The following SPOCK3 variants were observed in gnomAD, a reference collection of about 807,000 sequenced individuals.
The protein encoded by SPOCK3 is testican-3.
Under a neutral mutation model 56.6 loss-of-function variants are expected in SPOCK3, and 30 were observed. That is an observed-to-expected ratio of 0.53 (90% CI 0.40 to 0.72). The LOEUF (loss-of-function observed/expected upper bound fraction) is 0.72. Ranked by LOEUF, SPOCK3 falls within the 30% of genes least tolerant of loss-of-function variation. The probability of loss-of-function intolerance (pLI) is 0.00; values close to 1 mark genes in which losing one functional copy is unlikely to be tolerated. For missense variants in SPOCK3, 527 were observed against 530.0 expected (o/e 0.99, Z 0.06); for synonymous variants, 196 against 183.3 (o/e 1.07, Z -0.56).
In SPOCK3 at chr4:166,751,240, A is replaced by G. The variant is rs141379275; in HGVS notation, c.931+3268T>C. ...AATAGGAAAATCATATCTTTTAAAA[A>G]GAATGAATTAATCCCCCATGCACTA... On this transcript the variant is annotated intron_variant, in intron 8 of 10. Coordinates refer to ENST00000357545, the MANE Select transcript of SPOCK3 (RefSeq NM_001040159.2). Among the ~76,000 whole-genome samples the G allele has an allele frequency of 3.3e-3, 497 of 152,340 alleles. 3 individuals carry two copies. Among genetic ancestry groups the G allele is most frequent in the African/African-American group, 0.011 (456 of 41,588 alleles).
intron 2 of SPOCK3, among the ~76,000 whole-genome samples, chr4:167,176,994 A>G (rs1193390782): frequency 6.6e-6 from 1 of 152,164 alleles, no homozygotes; most frequent in Non-Finnish European, 1.5e-5. Context: ...GATGACAGAC[A>G]GGGCTATTTT....
At chr4:166,929,158 C>T (rs1409078227) in intron 4 of SPOCK3, among the ~76,000 whole-genome samples, 1 of 120,370 alleles carries the variant, frequency 8.3e-6, no homozygotes, top group Non-Finnish European at 1.7e-5. Flanking sequence ...TACTGTGAAC[C>T]AAAACAGCTC....
chr4:166,845,099 T>C (rs1579401092), intron 6 of SPOCK3, among the ~76,000 whole-genome samples: 1 of 152,266 alleles, frequency 6.6e-6, no homozygotes, highest in East Asian at 1.9e-4. Flanking sequence ...TGTTAAACAA[T>C]ATAAAATTTT....
chr4:166,814,199 T>C (rs1485759278), intron 6 of SPOCK3, among the ~76,000 whole-genome samples: 1 of 152,092 alleles, frequency 6.6e-6, no homozygotes, highest in Non-Finnish European at 1.5e-5. Context: ...CAGTGAGAAA[T>C]CGTTAGGCAT....
chr4:167,110,061 A>T (rs1580326844), intron 2 of SPOCK3, among the ~76,000 whole-genome samples: 3 of 152,146 alleles, frequency 2.0e-5, no homozygotes, highest in Admixed American at 2.0e-4. Flanking sequence ...TAATTCTTTA[A>T]GCCACATCTA....
chr4:166,933,937 A>G lies in SPOCK3; in HGVS notation c.351-21194T>C, dbSNP rs1314386005. Among the ~76,000 whole-genome samples, 7 of 152,260 alleles carry G rather than the reference A, an allele frequency of 4.6e-5. No individual in the cohort carries two copies. The East Asian group carries it at 1.2e-3, about 25-fold the overall frequency. On this transcript the variant is annotated intron_variant, in intron 4 of 10. Coordinates refer to ENST00000357545, the MANE Select transcript of SPOCK3 (RefSeq NM_001040159.2). The stretch of plus-strand genomic sequence containing the variant: ...GAGTGAATAAATATGCTGATGTTCC[A>G]TGTTGCCTTCTGTTTCACAGGTAAT...
chr4:166,949,471 T>A (rs1742232645), intron 4 of SPOCK3, among the ~76,000 whole-genome samples: 2 of 152,170 alleles, frequency 1.3e-5, no homozygotes, highest in Admixed American at 1.3e-4. Flanking sequence ...CTTTGTGGTT[T>A]TATCTACTTT....
At chr4:167,046,450 C>CTTTTTTTTTTTTTTTTTTTTTTTTT (rs67108499) in intron 3 of SPOCK3, among the ~76,000 whole-genome samples, 1 of 53,702 alleles carries the variant, frequency 1.9e-5, no homozygotes, top group Non-Finnish European at 3.3e-5. Context: ...TTCTGATATT[C>CTTTTTTTTTTTTTTTTTTTTTTTTT]TTTTTTTTTT....
intron 2 of SPOCK3, among the ~76,000 whole-genome samples, chr4:167,071,345 C>T (rs1756656752): frequency 6.6e-6 from 1 of 152,034 alleles, no homozygotes; most frequent in Non-Finnish European, 1.5e-5. Context: ...CACCCATCAA[C>T]TCGTCGTCTA....
At chr4:167,178,640 A>C (rs527559281) in intron 2 of SPOCK3, among the ~76,000 whole-genome samples, 5 of 152,256 alleles carry the variant, frequency 3.3e-5, no homozygotes, top group African/African-American at 1.2e-4. Flanking sequence ...TTAGAGACTC[A>C]TGATGTGAGA....
At chr4:166,954,132 G>A (rs11727903) in intron 4 of SPOCK3, among the ~76,000 whole-genome samples, 87,542 of 151,808 alleles carry the variant, frequency 0.58, 27,063 homozygotes, top group East Asian at 0.85. Context: ...TTTTAAATCA[G>A]GTTGTTTTCT....
At chr4:167,174,252 T>A (rs9991817) in intron 2 of SPOCK3, among the ~76,000 whole-genome samples, 1 of 151,858 alleles carries the variant, frequency 6.6e-6, no homozygotes, top group African/African-American at 2.4e-5. Context: ...CAAATAGCAA[T>A]TTTATTAAAA....
intron 2 of SPOCK3, among the ~76,000 whole-genome samples, chr4:167,088,605 C>T (rs915580873): frequency 6.6e-6 from 1 of 151,634 alleles, no homozygotes; most frequent in African/African-American, 2.4e-5. Flanking sequence ...GCTAAGACTA[C>T]AGGTGTGTGC....
intron 2 of SPOCK3, among the ~76,000 whole-genome samples, chr4:167,190,763 T>G (rs1269997156): frequency 6.9e-6 from 1 of 145,964 alleles, no homozygotes; most frequent in African/African-American, 2.6e-5. Flanking sequence ...TTTTACGTCT[T>G]TAATCCATTT....
chr4:167,200,445 G>C (rs925483169), intron 2 of SPOCK3, among the ~76,000 whole-genome samples: 2 of 151,870 alleles, frequency 1.3e-5, no homozygotes, highest in African/African-American at 4.8e-5. Flanking sequence ...ACGGCAAGGA[G>C]TACTATACTG....
chr4:166,744,039 T>G (rs1735234444), intron 8 of SPOCK3, among the ~76,000 whole-genome samples: 1 of 152,176 alleles, frequency 6.6e-6, no homozygotes, highest in Non-Finnish European at 1.5e-5. Context: ...AGGGCATAGC[T>G]GAACAAAAGG....
chr4:166,904,784 C>T (rs1179120858), intron 5 of SPOCK3, among the ~76,000 whole-genome samples: 4 of 151,914 alleles, frequency 2.6e-5, no homozygotes, highest in Admixed American at 6.6e-5. Flanking sequence ...TTTTCTATAA[C>T]CTTTTTGAAG....
intron 2 of SPOCK3, among the ~76,000 whole-genome samples, chr4:167,086,635 CTT>C (rs1045735545): frequency 2.6e-4 from 39 of 152,180 alleles, no homozygotes; most frequent in African/African-American, 8.2e-4. Flanking sequence ...ACAATCAACA[CTT>C]TTATTCTTCC....
intron 2 of SPOCK3, among the ~76,000 whole-genome samples, chr4:167,154,383 A>G (rs1764649603): frequency 6.6e-6 from 1 of 152,132 alleles, no homozygotes; most frequent in Non-Finnish European, 1.5e-5. Context: ...CAGAGGCCCC[A>G]GCGCAAAGCA....
Sources: allele counts gnomAD v4.1 joint callset (sites outside exome capture counted in the v4.1 genomes callset), GRCh38; gene constraint gnomAD v4.1.1; transcripts MANE v1.5; gene names NCBI Gene and HGNC (gene_info 2026-07-23, HGNC 2026-07-21).